The following CACNA2D3 variants were observed in gnomAD, a reference collection of about 807,000 sequenced individuals.
The protein encoded by CACNA2D3 is voltage-dependent calcium channel subunit alpha-2/delta-3.
In CACNA2D3, 60 loss-of-function variants were observed where a neutral mutation model predicts 160.6. That is an observed-to-expected ratio of 0.37 (90% CI 0.30 to 0.46). The LOEUF is 0.46. CACNA2D3 is among the 20% of genes least tolerant of loss of function. CACNA2D3 has a pLI of 1.00. For missense variants in CACNA2D3, 1,205 were observed against 1,365.0 expected (o/e 0.88, Z 1.85); for synonymous variants, 558 against 492.9 (o/e 1.13, Z -1.75).
chr3:54,371,342 T>C (rs1218328175), intron 3 of CACNA2D3, among the ~76,000 whole-genome samples: 5 of 152,138 alleles, frequency 3.3e-5, no homozygotes, highest in Non-Finnish European at 7.4e-5. Context: ...TATGAGAAAA[T>C]AGGGTGATAT....
chr3:54,772,639 A>G (rs76245115), intron 13 of CACNA2D3, among the ~76,000 whole-genome samples: 19 of 152,180 alleles, frequency 1.2e-4, no homozygotes, highest in Admixed American at 1.2e-3. Context: ...AATGTTAACA[A>G]CATTAATTAT....
intron 10 of CACNA2D3, chr3:54,639,810 T>C (rs1484664090): frequency 6.5e-6 from 1 of 153,660 alleles, no homozygotes; most frequent in Non-Finnish European, 1.4e-5. Context: ...AACGAGGCTG[T>C]TTATTTCACC....
chr3:54,824,342 G>A (rs1213244765), intron 14 of CACNA2D3, among the ~76,000 whole-genome samples: 2 of 152,210 alleles, frequency 1.3e-5, no homozygotes, highest in African/African-American at 4.8e-5. Flanking sequence ...CACCCAACAT[G>A]AGCCTCAGTC....
intron 14 of CACNA2D3, among the ~76,000 whole-genome samples, chr3:54,834,180 T>C (rs888596808): frequency 6.6e-6 from 1 of 152,244 alleles, no homozygotes; most frequent in Admixed American, 6.5e-5. Context: ...TAGTAATTTA[T>C]AACTGATTTT....
intron 31 of CACNA2D3, among the ~76,000 whole-genome samples, chr3:54,999,338 G>C (rs914059427): frequency 2.6e-5 from 4 of 152,166 alleles, no homozygotes; most frequent in Admixed American, 2.6e-4. Flanking sequence ...CGGTCTCTTT[G>C]TTAAGAATTT....
intron 3 of CACNA2D3, among the ~76,000 whole-genome samples, chr3:54,323,773 C>G (rs1020485298): frequency 3.3e-5 from 5 of 152,082 alleles, no homozygotes; most frequent in African/African-American, 1.2e-4. Context: ...GCCCCCACCC[C>G]GCTATTTTCT....
intron 2 of CACNA2D3, among the ~76,000 whole-genome samples, chr3:54,230,082 A>G (rs1200218354): frequency 1.3e-5 from 2 of 152,210 alleles, no homozygotes; most frequent in African/African-American, 4.8e-5. Context: ...AAGTAAAACA[A>G]AAAGAAAAAA....
intron 3 of CACNA2D3, among the ~76,000 whole-genome samples, chr3:54,348,018 A>G (rs1201526347): frequency 6.6e-6 from 1 of 152,230 alleles, no homozygotes; most frequent in African/African-American, 2.4e-5. Context: ...CTATGTATGT[A>G]TGTGAATACA....
chr3:54,321,464 A>G (rs1205600992), intron 3 of CACNA2D3, among the ~76,000 whole-genome samples: 3 of 152,202 alleles, frequency 2.0e-5, no homozygotes, highest in Non-Finnish European at 2.9e-5. Flanking sequence ...AAGTTTTGAC[A>G]TAAATAATGC....
At chr3:54,644,162 C>G (rs900536334) in intron 11 of CACNA2D3, among the ~76,000 whole-genome samples, 1 of 152,072 alleles carries the variant, frequency 6.6e-6, no homozygotes, top group Middle Eastern at 3.2e-3. Flanking sequence ...ATTCTCCAGA[C>G]AAAACACAAA....
intron 4 of CACNA2D3, among the ~76,000 whole-genome samples, chr3:54,461,444 C>G (rs1316707376): frequency 1.3e-5 from 2 of 151,394 alleles, no homozygotes; most frequent in South Asian, 2.1e-4. Context: ...ATTATTGCCA[C>G]AATTTCAGCT....
chr3:54,955,656 A>G (rs1283627068), intron 27 of CACNA2D3, among the ~76,000 whole-genome samples: 1 of 152,124 alleles, frequency 6.6e-6, no homozygotes, highest in Non-Finnish European at 1.5e-5. Flanking sequence ...TGTTGGTGGA[A>G]TGGAGAAATG....
At chr3:54,774,334 C>T (rs1192138712) in intron 13 of CACNA2D3, among the ~76,000 whole-genome samples, 1 of 152,132 alleles carries the variant, frequency 6.6e-6, no homozygotes, top group African/African-American at 2.4e-5. Flanking sequence ...CCTCAGGAAA[C>T]TTACAATCAT....
At position 54,252,100 on chromosome 3, in the gene CACNA2D3, G is replaced by GT. The variant is rs548233026; in HGVS notation, c.205-68328dup. Among the ~76,000 whole-genome samples, 489 of 120,940 alleles carry GT rather than the reference G, an allele frequency of 4.0e-3. 11 individuals are homozygous for GT. Among genetic ancestry groups the GT allele is most frequent in the Non-Finnish European group, 4.7e-3 (289 of 61,124 alleles). 79.3% of individuals were successfully genotyped at this position (120,940 alleles called of 152,430 possible). A position where few individuals can be genotyped will look rare whatever the true frequency, so the allele number is the denominator to read the frequency against. On this transcript the variant is annotated intron_variant, in intron 2 of 37. Coordinates refer to ENST00000474759, the MANE Select transcript of CACNA2D3 (RefSeq NM_018398.3). ...TCCAATTTCTCTTTTTGCAGAGCTA[G>GT]TTTTTTTTTTTTTTGTACGATACTC...
intron 26 of CACNA2D3, among the ~76,000 whole-genome samples, chr3:54,897,438 A>G (rs1194127212): frequency 6.6e-6 from 1 of 152,190 alleles, no homozygotes; most frequent in Non-Finnish European, 1.5e-5. Flanking sequence ...AAAGAACTGA[A>G]TGATGTCTTA....
intron 5 of CACNA2D3, among the ~76,000 whole-genome samples, chr3:54,519,466 C>A (rs993429248): frequency 6.6e-5 from 10 of 152,164 alleles, no homozygotes; most frequent in Admixed American, 1.3e-4. Flanking sequence ...TAATCAAAAC[C>A]TATAGACTAA....
At chr3:54,858,458 A>G (rs1354320586) in intron 17 of CACNA2D3, among the ~76,000 whole-genome samples, 4 of 152,364 alleles carry the variant, frequency 2.6e-5, no homozygotes, top group East Asian at 1.9e-4. Context: ...CATCTGTGAC[A>G]GCCTGCTGGG....
rs548233026 is a variant in CACNA2D3, at chr3:54,252,100, G to GTTTTT, written c.205-68332_205-68328dup. ...TCCAATTTCTCTTTTTGCAGAGCTA[G>GTTTTT]TTTTTTTTTTTTTTGTACGATACTC... is the stretch of plus-strand genomic sequence containing the variant. On this transcript the variant is annotated intron_variant, in intron 2 of 37. Coordinates refer to ENST00000474759, the MANE Select transcript of CACNA2D3 (RefSeq NM_018398.3). 1.7e-4 allele frequency among the ~76,000 whole-genome samples: 21 copies of GTTTTT among 120,976 alleles called. 2 individuals are homozygous for GTTTTT. The highest frequency in any genetic ancestry group is 7.9e-4 in the South Asian group (3 of 3,790). The allele number at this position is 120,976 out of a possible 152,430, so 79.4% of individuals were successfully genotyped here.
intron 11 of CACNA2D3, among the ~76,000 whole-genome samples, chr3:54,662,744 G>T (rs921786693): frequency 6.6e-6 from 1 of 152,242 alleles, no homozygotes; most frequent in African/African-American, 2.4e-5. Flanking sequence ...GGTGGAAAGT[G>T]TAAGTGTACT....
Sources: gnomAD v4.1 joint callset for allele counts (sites outside exome capture counted in the v4.1 genomes callset) on GRCh38, gnomAD v4.1.1 for gene constraint, MANE v1.5 for transcripts, NCBI Gene and HGNC (gene_info 2026-07-23, HGNC 2026-07-21) for gene names.